FHOD3: variants seen among roughly 807,000 people sequenced by gnomAD.
FHOD3 encodes the protein FH1/FH2 domain-containing protein 3.
FHOD3 carries 90 observed loss-of-function variants against 173.0 expected under a neutral mutation model. The observed-to-expected ratio is 0.52, with a 90% CI of 0.44 to 0.62. The LOEUF is 0.62. FHOD3 is among the 20% of genes least tolerant of loss of function. FHOD3 has a pLI of 0.00. For missense variants in FHOD3, 1,945 were observed against 2,034.7 expected (o/e 0.96, Z 0.85); for synonymous variants, 828 against 823.0 (o/e 1.01, Z -0.10).
At chr18:36,431,117 C>G (rs2050526541) in intron 3 of FHOD3, among the ~76,000 whole-genome samples, 1 of 152,174 alleles carries the variant, frequency 6.6e-6, no homozygotes, top group Non-Finnish European at 1.5e-5. Flanking sequence ...AAATGCATGT[C>G]CTGCCTCTTG....
At chr18:36,680,869 A>G (rs933545886) in intron 14 of FHOD3, among the ~76,000 whole-genome samples, 2 of 152,260 alleles carry the variant, frequency 1.3e-5, no homozygotes, top group African/African-American at 2.4e-5. Flanking sequence ...AGACTGATAT[A>G]TAGTAAAATA....
intron 2 of FHOD3, among the ~76,000 whole-genome samples, chr18:36,361,877 T>C (rs1316327194): frequency 6.6e-6 from 1 of 151,912 alleles, no homozygotes; most frequent in Non-Finnish European, 1.5e-5. Context: ...GCAGAGGTGA[T>C]TTTCAAAGCT....
At chr18:36,416,325 G>A (rs1234487610) in intron 3 of FHOD3, among the ~76,000 whole-genome samples, 1 of 152,218 alleles carries the variant, frequency 6.6e-6, no homozygotes, top group African/African-American at 2.4e-5. Flanking sequence ...GAGCCACCAT[G>A]CCCACCCAGG....
chr18:36,454,247 G>A (rs150407878), intron 3 of FHOD3, among the ~76,000 whole-genome samples: 3 of 151,792 alleles, frequency 2.0e-5, no homozygotes, highest in Non-Finnish European at 4.4e-5. Context: ...CACACACATG[G>A]GAGGGCATAC....
chr18:36,525,813 A>T (rs1312516230), intron 5 of FHOD3, among the ~76,000 whole-genome samples: 1 of 152,220 alleles, frequency 6.6e-6, no homozygotes, highest in Non-Finnish European at 1.5e-5. Context: ...TGGGTCTCCC[A>T]ACTGTTGACA....
intron 19 of FHOD3, among the ~76,000 whole-genome samples, chr18:36,723,673 C>T (rs748008935): frequency 3.3e-5 from 5 of 152,166 alleles, no homozygotes; most frequent in Non-Finnish European, 7.4e-5. Context: ...AGGTCTGTCG[C>T]CTTTCATGGA....
intron 11 of FHOD3, among the ~76,000 whole-genome samples, chr18:36,649,700 A>G (rs1181247405): frequency 1.3e-5 from 2 of 152,170 alleles, no homozygotes; most frequent in Non-Finnish European, 2.9e-5. Context: ...TAGCTCAACC[A>G]GATTGATGGT....
chr18:36,538,432 CAAAG>C (rs1024623418), intron 5 of FHOD3, among the ~76,000 whole-genome samples: 15 of 152,252 alleles, frequency 9.9e-5, no homozygotes, highest in African/African-American at 2.9e-4. Flanking sequence ...GCAAGAATCA[CAAAG>C]AAAGAAAGAC....
intron 1 of FHOD3, among the ~76,000 whole-genome samples, chr18:36,316,330 T>C (rs948169641): frequency 6.6e-6 from 1 of 152,172 alleles, no homozygotes; most frequent in African/African-American, 2.4e-5. Flanking sequence ...GGTACTTTGC[T>C]TCTGCCTCCT....
At chr18:36,328,472 G>A (rs2044794836) in intron 1 of FHOD3, among the ~76,000 whole-genome samples, 1 of 152,158 alleles carries the variant, frequency 6.6e-6, no homozygotes. Flanking sequence ...AAGAGGAGCT[G>A]TGCAAGCTGA....
intron 1 of FHOD3, among the ~76,000 whole-genome samples, chr18:36,340,286 C>A (rs2045544494): frequency 6.6e-6 from 1 of 152,226 alleles, no homozygotes; most frequent in African/African-American, 2.4e-5. Flanking sequence ...GTTTAGCCAC[C>A]TAGGAGTGAT....
At chr18:36,376,765 T>C (rs1014114389) in intron 3 of FHOD3, among the ~76,000 whole-genome samples, 1 of 152,246 alleles carries the variant, frequency 6.6e-6, no homozygotes, top group Admixed American at 6.5e-5. Flanking sequence ...CAAGGCATTT[T>C]TCTCTTGCAG....
chr18:36,298,030 C>G, intron 1 of FHOD3, 30 bp downstream of exon 1: 1 of 1,475,422 alleles, frequency 6.8e-7, no homozygotes, highest in Non-Finnish European at 9.0e-7. Context: ...GCTGGGCCCC[C>G]TGGACTCAGC....
chr18:36,302,014 G>A (rs2091967107), intron 1 of FHOD3, among the ~76,000 whole-genome samples: 1 of 152,210 alleles, frequency 6.6e-6, no homozygotes, highest in African/African-American at 2.4e-5. Flanking sequence ...CCATTCGAGG[G>A]CCAAGTACTG....
chr18:36,441,730 A>G (rs891893790), intron 3 of FHOD3, among the ~76,000 whole-genome samples: 1 of 152,298 alleles, frequency 6.6e-6, no homozygotes, highest in South Asian at 2.1e-4. Flanking sequence ...AATTATAGAC[A>G]TCACAGCCAA....
chr18:36,670,587 A>C (rs1055229880), intron 14 of FHOD3, among the ~76,000 whole-genome samples: 12 of 152,214 alleles, frequency 7.9e-5, no homozygotes, highest in African/African-American at 2.9e-4. Flanking sequence ...AGCTTCTTGA[A>C]TATGTGGACT....
intron 14 of FHOD3, among the ~76,000 whole-genome samples, chr18:36,664,811 A>AGAGAGAGAGAGAGAGAGAGATT (rs1434593563): frequency 6.7e-6 from 1 of 148,920 alleles, no homozygotes; most frequent in African/African-American, 2.6e-5. Flanking sequence ...AGAGAGAGAG[A>AGAGAGAGAGAGAGAGAGAGATT]GAGATTGAGA....
At chr18:36,556,539 C>A (rs559056568) in intron 5 of FHOD3, among the ~76,000 whole-genome samples, 1 of 152,292 alleles carries the variant, frequency 6.6e-6, no homozygotes, top group South Asian at 2.1e-4. Flanking sequence ...AGGCTTTGTT[C>A]AGATGACGTT....
intron 3 of FHOD3, among the ~76,000 whole-genome samples, chr18:36,429,592 T>C (rs889122830): frequency 6.6e-6 from 1 of 152,146 alleles, no homozygotes; most frequent in African/African-American, 2.4e-5. Flanking sequence ...TTTTAGCTTG[T>C]TAGCACAGAT....
Sources: gnomAD v4.1 joint callset for allele counts (sites outside exome capture counted in the v4.1 genomes callset) on GRCh38, gnomAD v4.1.1 for gene constraint, MANE v1.5 for transcripts, NCBI Gene and HGNC (gene_info 2026-07-23, HGNC 2026-07-21) for gene names.